The following CNTNAP2 variants were observed in gnomAD, a reference collection of about 807,000 sequenced individuals.
CNTNAP2 encodes contactin-associated protein-like 2.
In CNTNAP2, 98 loss-of-function variants were observed where a neutral mutation model predicts 155.2. The ratio of observed to expected loss-of-function variants is 0.63; its 90% CI spans 0.54 to 0.75. CNTNAP2 has a LOEUF of 0.75. Among genes scored for constraint, CNTNAP2 ranks in the 30% least tolerant of loss-of-function variants. CNTNAP2 has a pLI of 0.00. For synonymous variants in CNTNAP2, 651 were observed against 631.2 expected, an observed-to-expected ratio of 1.03 and a Z score of -0.47; for missense variants, 1,727 against 1,688.1, an observed-to-expected ratio of 1.02 and a Z score of -0.40.
At chr7:146,629,557 G>A (rs1376121730) in intron 1 of CNTNAP2, among the ~76,000 whole-genome samples, 1 of 151,878 alleles carries the variant, frequency 6.6e-6, no homozygotes, top group African/African-American at 2.4e-5. Flanking sequence ...TTATACCAAG[G>A]AATTATGGCA....
chr7:146,838,313 AATTTT>A (rs978220566), intron 2 of CNTNAP2, among the ~76,000 whole-genome samples: 5 of 151,996 alleles, frequency 3.3e-5, no homozygotes, highest in Non-Finnish European at 5.9e-5. Flanking sequence ...GATTTTTTAA[AATTTT>A]ATTTTATTTT....
chr7:146,325,159 A>G (rs558949234), intron 1 of CNTNAP2, among the ~76,000 whole-genome samples: 1 of 152,094 alleles, frequency 6.6e-6, no homozygotes, highest in South Asian at 2.1e-4. Context: ...TTGAACTCCT[A>G]GGCTCAAGAA....
intron 1 of CNTNAP2, among the ~76,000 whole-genome samples, chr7:146,378,860 TAATCA>T (rs1795342041): frequency 6.6e-6 from 1 of 152,240 alleles, no homozygotes; most frequent in African/African-American, 2.4e-5. Flanking sequence ...TGAAGCAAAG[TAATCA>T]TTTTAGGTCC....
intron 2 of CNTNAP2, among the ~76,000 whole-genome samples, chr7:146,790,960 G>A (rs561709166): frequency 6.6e-6 from 1 of 151,606 alleles, no homozygotes; most frequent in Admixed American, 6.6e-5. Context: ...TGGGGTACAC[G>A]TGTGGAATGT....
intron 15 of CNTNAP2, among the ~76,000 whole-genome samples, chr7:148,112,424 T>G (rs1049770411): frequency 2.6e-4 from 39 of 150,098 alleles, no homozygotes; most frequent in East Asian, 1.9e-3. Flanking sequence ...AGTATTATTA[T>G]TATTATTATT....
In CNTNAP2 at chr7:147,683,761, A is replaced by G. The variant is rs536670211; in HGVS notation, c.2098+44455A>G. 3.2e-4 allele frequency among the ~76,000 whole-genome samples: 48 copies of G among 148,466 alleles called. No individual in the cohort carries two copies. The South Asian group carries it at 9.3e-3, about 29-fold the overall frequency. ...TTTTTTTTTTGAGTATTCAATTAGC[A>G]GAATAACCCTACAGAATCCGTCAAT... On this transcript the variant is annotated intron_variant, in intron 13 of 23. Transcript: ENST00000361727.
At chr7:147,429,355 T>C (rs1002990615) in intron 10 of CNTNAP2, among the ~76,000 whole-genome samples, 7 of 152,120 alleles carry the variant, frequency 4.6e-5, no homozygotes, top group African/African-American at 1.4e-4. Context: ...CAAGTTTTCA[T>C]ATATTTGTTG....
At position 146,526,147 on chromosome 7, in the gene CNTNAP2, C is replaced by T. The variant is rs888899842; in HGVS notation, c.98-248124C>T. Among the ~76,000 whole-genome samples, 3 of 152,114 alleles carry T rather than the reference C, an allele frequency of 2.0e-5. No individual in the cohort carries two copies. The East Asian group carries it at 5.8e-4, about 29-fold the overall frequency. Reference sequence around the variant, plus strand: ...AATAAAGGGACCCACAGCTTCACTACTCAAAGAAAACTATCGCTAAAATTT... The same window carrying T: ...AATAAAGGGACCCACAGCTTCACTATTCAAAGAAAACTATCGCTAAAATTT... On this transcript the variant is annotated intron_variant, in intron 1 of 23. Coordinates refer to ENST00000361727, the MANE Select transcript of CNTNAP2 (RefSeq NM_014141.6).
At chr7:147,965,286 T>C (rs1801189091) in intron 14 of CNTNAP2, among the ~76,000 whole-genome samples, 1 of 152,286 alleles carries the variant, frequency 6.6e-6, no homozygotes, top group East Asian at 1.9e-4. Flanking sequence ...TGTTGGCAAA[T>C]TGATTACAGA....
chr7:148,070,358 C>T (rs1803357242), intron 15 of CNTNAP2, among the ~76,000 whole-genome samples: 2 of 152,184 alleles, frequency 1.3e-5, no homozygotes, highest in Admixed American at 1.3e-4. Flanking sequence ...GTTAAAAAAG[C>T]AAACCTCTGT....
At chr7:146,721,890 T>TATATATATATATATATATA (rs1491454260) in intron 1 of CNTNAP2, among the ~76,000 whole-genome samples, 53 of 75,452 alleles carry the variant, frequency 7.0e-4, no homozygotes, top group African/African-American at 8.8e-4. Flanking sequence ...TATATATATA[T>TATATATATATATATATATA]TTTTTTTTTT....
rs1239779717 is a variant in CNTNAP2, at chr7:147,395,683, C to G, written c.1573C>G (p.Gln525Glu). The G allele has an allele frequency of 6.2e-7, 1 of 1,612,594 alleles. No homozygotes were observed. Among genetic ancestry groups the G allele is most frequent in the Admixed American group, 1.7e-5 (1 of 59,924 alleles). ...PSFQGCMQLI[Q>E]VDDQLVNLYE... ...ATTCCAAGGATGCATGCAGCTCATTCAAGTGGACGATCAACTTGTAAATTT... is the reference window on the plus strand; with the variant it reads ...ATTCCAAGGATGCATGCAGCTCATTGAAGTGGACGATCAACTTGTAAATTT... The change falls in exon 10 of 24, where the codon CAA becomes GAA. Residue 525 changes from glutamine to glutamate, a missense_variant. Coordinates refer to ENST00000361727, the MANE Select transcript of CNTNAP2 (RefSeq NM_014141.6).
chr7:147,298,141 C>T (rs1052296613), intron 8 of CNTNAP2, among the ~76,000 whole-genome samples: 8 of 152,026 alleles, frequency 5.3e-5, no homozygotes, highest in Non-Finnish European at 7.4e-5. Flanking sequence ...ACAAAATGTG[C>T]TCAGTGGCCA....
chr7:146,762,684 C>T (rs752622580), intron 1 of CNTNAP2, among the ~76,000 whole-genome samples: 1 of 152,078 alleles, frequency 6.6e-6, no homozygotes, highest in Non-Finnish European at 1.5e-5. Context: ...GCCTGGGTAA[C>T]TCATAAAGCA....
chr7:148,162,004 G>A (rs926843467), intron 17 of CNTNAP2, among the ~76,000 whole-genome samples: 1 of 152,144 alleles, frequency 6.6e-6, no homozygotes, highest in Non-Finnish European at 1.5e-5. Flanking sequence ...GGCTTGACCT[G>A]GGACTAGCAT....
chr7:147,589,354 A>C (rs558794133), intron 12 of CNTNAP2, among the ~76,000 whole-genome samples: 1 of 152,278 alleles, frequency 6.6e-6, no homozygotes, highest in East Asian at 1.9e-4. Context: ...TTATTCATCA[A>C]TAACTTATCA....
intron 9 of CNTNAP2, among the ~76,000 whole-genome samples, chr7:147,369,993 T>C (rs1297270095): frequency 1.3e-5 from 2 of 152,216 alleles, no homozygotes; most frequent in Non-Finnish European, 2.9e-5. Flanking sequence ...GGCTTCCTGT[T>C]CCAGCCCTTG....
intron 21 of CNTNAP2, among the ~76,000 whole-genome samples, chr7:148,287,494 T>C (rs770994612): frequency 3.2e-4 from 49 of 152,226 alleles, no homozygotes; most frequent in Non-Finnish European, 5.9e-5. Flanking sequence ...ATGTGACCCA[T>C]TGGCCCTCCT....
intron 14 of CNTNAP2, among the ~76,000 whole-genome samples, chr7:147,948,953 G>A (rs547211610): frequency 2.0e-5 from 3 of 152,054 alleles, no homozygotes; most frequent in African/African-American, 7.2e-5. Context: ...TGTAATCCCA[G>A]CACTTTGGGA....
Sources: allele counts gnomAD v4.1 joint callset (sites outside exome capture counted in the v4.1 genomes callset), GRCh38; gene constraint gnomAD v4.1.1; transcripts MANE v1.5; gene names NCBI Gene and HGNC (gene_info 2026-07-23, HGNC 2026-07-21).